PLCB1: variants seen among roughly 807,000 people sequenced by gnomAD.
The protein encoded by PLCB1 is phospholipase C beta 1, also known as 1-phosphatidylinositol 4,5-bisphosphate phosphodiesterase beta-1.
PLCB1 carries 46 observed loss-of-function variants against 161.8 expected under a neutral mutation model. The ratio of observed to expected loss-of-function variants is 0.28; its 90% CI spans 0.22 to 0.36. The LOEUF is 0.36. Ranked by LOEUF, PLCB1 falls within the 10% of genes least tolerant of loss-of-function variation. PLCB1 has a pLI of 1.00. For missense variants in PLCB1, 1,016 were observed against 1,472.5 expected (o/e 0.69, Z 5.07); for synonymous variants, 517 against 503.7 (o/e 1.03, Z -0.35).
intron 2 of PLCB1, among the ~76,000 whole-genome samples, chr20:8,280,669 C>T (rs1982832356): frequency 6.6e-6 from 1 of 152,018 alleles, no homozygotes; most frequent in African/African-American, 2.4e-5. Flanking sequence ...CTTCAGAATC[C>T]AACATTCAGT....
intron 4 of PLCB1, among the ~76,000 whole-genome samples, chr20:8,637,086 A>G (rs1988786143): frequency 6.6e-6 from 1 of 152,026 alleles, no homozygotes; most frequent in Non-Finnish European, 1.5e-5. Flanking sequence ...GTTCTAAGAA[A>G]ATCTGGCTTC....
chr20:8,815,095 G>A (rs6140730), intron 31 of PLCB1, among the ~76,000 whole-genome samples: 2 of 152,116 alleles, frequency 1.3e-5, no homozygotes, highest in Non-Finnish European at 2.9e-5. Context: ...GCAGATGTCA[G>A]GTAAACAGGT....
chr20:8,675,590 T>A (rs1990054480), intron 9 of PLCB1, among the ~76,000 whole-genome samples: 1 of 152,218 alleles, frequency 6.6e-6, no homozygotes, highest in African/African-American at 2.4e-5. Context: ...ACTTTTAAAC[T>A]TAATCAACAA....
chr20:8,819,463 T>C (rs929071138), intron 31 of PLCB1, among the ~76,000 whole-genome samples: 1 of 152,188 alleles, frequency 6.6e-6, no homozygotes. Context: ...AAGGTTTTTC[T>C]TTACCAATAT....
At chr20:8,459,316 G>A (rs1398900766) in intron 3 of PLCB1, among the ~76,000 whole-genome samples, 1 of 152,102 alleles carries the variant, frequency 6.6e-6, no homozygotes, top group Admixed American at 6.5e-5. Flanking sequence ...CTTTGGACAT[G>A]GATTAATATA....
chr20:8,425,589 T>C (rs1264797875), intron 3 of PLCB1, among the ~76,000 whole-genome samples: 1 of 151,798 alleles, frequency 6.6e-6, no homozygotes, highest in East Asian at 1.9e-4. Context: ...GGAAATATAT[T>C]TATCACCCTT....
At chr20:8,736,317 C>A (rs138474694) in intron 19 of PLCB1, among the ~76,000 whole-genome samples, 2 of 152,296 alleles carry the variant, frequency 1.3e-5, no homozygotes, top group African/African-American at 2.4e-5. Flanking sequence ...TTAAAAATCT[C>A]TTTTAAGTCT....
intron 2 of PLCB1, among the ~76,000 whole-genome samples, chr20:8,215,433 C>T (rs116099886): frequency 6.6e-6 from 1 of 151,970 alleles, no homozygotes. Flanking sequence ...TGTCGCCTCG[C>T]AAGCCAGAGG....
At chr20:8,583,404 A>G (rs1486037555) in intron 3 of PLCB1, among the ~76,000 whole-genome samples, 3 of 152,262 alleles carry the variant, frequency 2.0e-5, no homozygotes, top group Admixed American at 1.3e-4. Flanking sequence ...GACATTAAAT[A>G]GTTTTTTTAA....
intron 31 of PLCB1, among the ~76,000 whole-genome samples, chr20:8,872,807 GGCACCCCT>G (rs1987651638): frequency 6.6e-6 from 1 of 152,002 alleles, no homozygotes; most frequent in Non-Finnish European, 1.5e-5. Context: ...TTGAAGGGTG[GGCACCCCT>G]GGCTCTATTC....
At chr20:8,181,037 G>A (rs2051836739) in intron 2 of PLCB1, among the ~76,000 whole-genome samples, 1 of 151,852 alleles carries the variant, frequency 6.6e-6, no homozygotes, top group Non-Finnish European at 1.5e-5. Flanking sequence ...GATTACCTGA[G>A]GTCAGGAGTT....
chr20:8,406,758 A>C (rs766553468), intron 3 of PLCB1, among the ~76,000 whole-genome samples: 1 of 152,214 alleles, frequency 6.6e-6, no homozygotes, highest in Non-Finnish European at 1.5e-5. Flanking sequence ...CCAGTATTAC[A>C]GTAAATTCCC....
At position 8,733,378 on chromosome 20, in the gene PLCB1, A is replaced by G; in HGVS notation, c.2029A>G (p.Thr677Ala). The G allele has an allele frequency of 6.2e-7, 1 of 1,613,910 alleles. No homozygotes were observed. The highest frequency in any genetic ancestry group is 8.5e-7 in the Non-Finnish European group (1 of 1,179,882). ...EGIVDGIVAN[T>A]LSVKIISGQF... ...CATCGTAGATGGGATAGTGGCAAAC[A>G]CTTTGTCTGTTAAGGTAGGTATACC... is the stretch of plus-strand genomic sequence containing the variant. Residue 677 changes from threonine to alanine, a missense_variant, in exon 19 of 32, where the codon ACT becomes GCT. Physicochemically the swap from Thr to Ala is moderately conservative, Grantham distance 58. This residue lies in a region of PLCB1 where 67 missense variants were observed against 195.6 expected (regional missense o/e 0.34). Coordinates refer to ENST00000338037, the MANE Select transcript of PLCB1 (RefSeq NM_015192.4).
At chr20:8,684,107 A>C (rs1600249090) in intron 9 of PLCB1, among the ~76,000 whole-genome samples, 2 of 152,024 alleles carry the variant, frequency 1.3e-5, no homozygotes, top group South Asian at 2.1e-4. Flanking sequence ...GATGGTCTCG[A>C]TCTCCTGACC....
chr20:8,569,227 G>A (rs534865519), intron 3 of PLCB1, among the ~76,000 whole-genome samples: 3 of 152,310 alleles, frequency 2.0e-5, no homozygotes, highest in Admixed American at 2.0e-4. Flanking sequence ...AGAAAATATT[G>A]CCAGGACACT....
At chr20:8,784,562 CAAAA>C (rs5840284) in intron 27 of PLCB1, among the ~76,000 whole-genome samples, 3 of 137,580 alleles carry the variant, frequency 2.2e-5, no homozygotes, top group Admixed American at 1.4e-4. Context: ...CACTGTATCT[CAAAA>C]AAAAAAAAAA....
At chr20:8,523,496 C>CTCTCTCTCTCTCTCTCTCTCTCTCTCTA in intron 3 of PLCB1, among the ~76,000 whole-genome samples, 2 of 51,628 alleles carry the variant, frequency 3.9e-5, no homozygotes, top group Non-Finnish European at 7.5e-5. Flanking sequence ...CTCTCTCTCT[C>CTCTCTCTCTCTCTCTCTCTCTCTCTCTA]TATATATATA....
At chr20:8,775,893 C>T (rs372821206) in intron 27 of PLCB1, among the ~76,000 whole-genome samples, 4 of 152,202 alleles carry the variant, frequency 2.6e-5, no homozygotes, top group East Asian at 3.9e-4. Flanking sequence ...TTTAACAAGC[C>T]CCACATGATT....
intron 2 of PLCB1, among the ~76,000 whole-genome samples, chr20:8,365,144 G>A (rs566522693): frequency 4.6e-5 from 7 of 152,312 alleles, no homozygotes; most frequent in South Asian, 2.1e-4. Context: ...GCAGCCGAAC[G>A]AGGGAGATGT....
Sources: allele counts gnomAD v4.1 joint callset (sites outside exome capture counted in the v4.1 genomes callset), GRCh38; gene constraint gnomAD v4.1.1; regional missense constraint gnomAD v4.1.1; transcripts MANE v1.5; gene names NCBI Gene and HGNC (gene_info 2026-07-23, HGNC 2026-07-21).